The following MTA3 variants were observed in gnomAD, a reference collection of about 807,000 sequenced individuals.
MTA3 encodes metastasis associated 1 family member 3.
Under a neutral mutation model 83.5 loss-of-function variants are expected in MTA3, and 34 were observed. The ratio of observed to expected loss-of-function variants is 0.41; its 90% CI spans 0.31 to 0.54. The LOEUF (loss-of-function observed/expected upper bound fraction) is 0.54, where lower values mean the gene tolerates loss of function less well. Ranked by LOEUF, MTA3 falls within the 20% of genes least tolerant of loss-of-function variation. The pLI is 0.33. For synonymous variants in MTA3, 303 were observed against 252.7 expected (o/e 1.20, Z -1.89); for missense variants, 761 against 726.4 (o/e 1.05, Z -0.55).
At chr2:42,692,833 A>T (rs1455181083) in intron 9 of MTA3, among the ~76,000 whole-genome samples, 1 of 152,168 alleles carries the variant, frequency 6.6e-6, no homozygotes, top group African/African-American at 2.4e-5. Flanking sequence ...TTCCTGGATG[A>T]TGCTTGTAGA....
chr2:42,671,675 A>G (rs999685240), intron 8 of MTA3, among the ~76,000 whole-genome samples: 8 of 152,182 alleles, frequency 5.3e-5, no homozygotes, highest in South Asian at 2.1e-4. Flanking sequence ...TTGCCTTATA[A>G]TTTTTAATTT....
intron 15 of MTA3, among the ~76,000 whole-genome samples, chr2:42,720,051 A>G (rs773496263): frequency 6.6e-6 from 1 of 152,146 alleles, no homozygotes; most frequent in Non-Finnish European, 1.5e-5. Context: ...ATCAAAGTGT[A>G]GTCTTGAATT....
chr2:42,594,079 G>C (rs1255808713), intron 3 of MTA3, among the ~76,000 whole-genome samples: 2 of 151,408 alleles, frequency 1.3e-5, no homozygotes, highest in Admixed American at 1.3e-4. Flanking sequence ...AGCCTCACAA[G>C]TAGCTGGGAT....
At chr2:42,647,669 T>C (rs1461043603) in intron 6 of MTA3, among the ~76,000 whole-genome samples, 4 of 152,178 alleles carry the variant, frequency 2.6e-5, no homozygotes, top group Admixed American at 2.6e-4. Context: ...TGTTAAGTAT[T>C]CATCTCTAAC....
chr2:42,536,135 C>T (rs950923634), intron 2 of MTA3, among the ~76,000 whole-genome samples: 1 of 144,578 alleles, frequency 6.9e-6, no homozygotes, highest in African/African-American at 2.6e-5. Flanking sequence ...AAAAAAAAGC[C>T]ATAGAGCATT....
chr2:42,634,269 A>C (rs1686976318), intron 4 of MTA3, among the ~76,000 whole-genome samples: 1 of 152,126 alleles, frequency 6.6e-6, no homozygotes, highest in Non-Finnish European at 1.5e-5. Flanking sequence ...TATGTATTTT[A>C]ATTAGGTATT....
intron 8 of MTA3, among the ~76,000 whole-genome samples, chr2:42,678,064 GTTAGC>G (rs1691544695): frequency 1.3e-5 from 2 of 152,132 alleles, no homozygotes; most frequent in Admixed American, 6.5e-5. Flanking sequence ...AGTCTGTCTA[GTTAGC>G]TTAGCTGCAG....
chr2:42,702,177 C>G (rs912817213), intron 11 of MTA3: 1 of 152,426 alleles, frequency 6.6e-6, no homozygotes, highest in Non-Finnish European at 1.5e-5. Context: ...TGCCATTGCA[C>G]TCCAGCCTGG....
At chr2:42,642,034 A>G (rs1687744764) in intron 5 of MTA3, among the ~76,000 whole-genome samples, 1 of 152,198 alleles carries the variant, frequency 6.6e-6, no homozygotes, top group Non-Finnish European at 1.5e-5. Flanking sequence ...TAAAAAATTT[A>G]AAAATAAAAT....
intron 3 of MTA3, among the ~76,000 whole-genome samples, chr2:42,604,067 G>A (rs965961505): frequency 1.5e-4 from 23 of 150,576 alleles, no homozygotes; most frequent in Admixed American, 2.7e-4. Context: ...TTGAAACAGA[G>A]TTTTGCTCTT....
chr2:42,534,911 C>G (rs1041956861), intron 2 of MTA3, among the ~76,000 whole-genome samples: 1 of 152,098 alleles, frequency 6.6e-6, no homozygotes, highest in African/African-American at 2.4e-5. Flanking sequence ...GCGTGAGCCA[C>G]TGCACCTGGC....
Position 42,708,035 on chromosome 2 carries a change from C to T in MTA3, c.1283C>T (p.Ser428Phe). Residue 428 changes from serine to phenylalanine, a missense_variant, in exon 13 of 17, where the codon TCT becomes TTT. Ser to Phe is a radical substitution (Grantham distance 155). Coordinates refer to ENST00000405094, the MANE Select transcript of MTA3 (RefSeq NM_001330442.2). ...MPTQSEEEKL[S>F]PSPTTEDPRV... is the part of the protein sequence containing the mutation. Reference sequence around the variant, plus strand: ...ACCCAGTCAGAAGAAGAGAAGTTATCTCCTAGCCCAACTACAGAGGTACAG... The same window carrying T: ...ACCCAGTCAGAAGAAGAGAAGTTATTTCCTAGCCCAACTACAGAGGTACAG... 1 of 1,609,522 alleles carries T rather than the reference C, an allele frequency of 6.2e-7. No homozygotes were observed. The highest frequency in any genetic ancestry group is 8.5e-7 in the Non-Finnish European group (1 of 1,178,742).
chr2:42,550,616 G>C (rs547721181), intron 2 of MTA3, among the ~76,000 whole-genome samples: 1 of 152,166 alleles, frequency 6.6e-6, no homozygotes, highest in Non-Finnish European at 1.5e-5. Context: ...AGTACATGGG[G>C]AGAAAGGCGC....
rs113259371 is a variant in MTA3 at position 42,754,169 on chromosome 2, G to A, written c.*770G>A. On this transcript the variant is annotated 3_prime_UTR_variant, in exon 17 of 17. Transcript: ENST00000405094. The stretch of plus-strand genomic sequence containing the variant: ...AGAGCAGTTGTTAAAAGTGCCAAGC[G>A]TGTGTATCACTGTGACAAGCCGTTT... 3.5e-5 allele frequency: 34 copies of A among 985,442 alleles called. No individual in the cohort carries two copies. Among genetic ancestry groups the A allele is most frequent in the Middle Eastern group, 1.0e-3 (2 of 1,912 alleles). The allele number at this position is 985,442 out of a possible 1,614,324, so 61.0% of individuals were successfully genotyped here. A position where few individuals can be genotyped will look rare whatever the true frequency, so the allele number is the denominator to read the frequency against.
chr2:42,625,055 G>T (rs1294633985), intron 4 of MTA3, among the ~76,000 whole-genome samples: 1 of 151,920 alleles, frequency 6.6e-6, no homozygotes, highest in Admixed American at 6.6e-5. Flanking sequence ...TTTTTGAGAT[G>T]GAGTCTTGCT....
At chr2:42,520,504 G>A (rs895661557) in intron 2 of MTA3, among the ~76,000 whole-genome samples, 7 of 151,996 alleles carry the variant, frequency 4.6e-5, no homozygotes, top group African/African-American at 7.2e-5. Context: ...TGCTTCCTTC[G>A]TGACCCTTAT....
chr2:42,612,725 G>A lies in MTA3; in HGVS notation c.317+3141G>A, dbSNP rs566245906. On this transcript the variant is annotated intron_variant, in intron 4 of 16. Transcript: ENST00000405094. ...AAAACACAAAAATTAGCTGAGCATGGTGGCACATGCCTGTAATCCCAGCTA... is the reference window on the plus strand; with the variant it reads ...AAAACACAAAAATTAGCTGAGCATGATGGCACATGCCTGTAATCCCAGCTA... Among the ~76,000 whole-genome samples, 8 of 152,194 alleles carry A rather than the reference G, an allele frequency of 5.3e-5. No homozygotes were observed. The South Asian group carries it at 1.2e-3, about 24-fold the overall frequency.
chr2:42,654,831 G>T (rs1689016560), intron 6 of MTA3, among the ~76,000 whole-genome samples: 1 of 152,076 alleles, frequency 6.6e-6, no homozygotes, highest in Non-Finnish European at 1.5e-5. Flanking sequence ...GCCCAGGTTG[G>T]TCTTGAACTT....
intron 4 of MTA3, among the ~76,000 whole-genome samples, chr2:42,615,422 C>G (rs1199470049): frequency 6.6e-6 from 1 of 151,926 alleles, no homozygotes; most frequent in Admixed American, 6.6e-5. Flanking sequence ...GTGCTGCGAT[C>G]TCGATTCACT....
Sources: allele counts gnomAD v4.1 joint callset (sites outside exome capture counted in the v4.1 genomes callset), GRCh38; gene constraint gnomAD v4.1.1; transcripts MANE v1.5; gene names NCBI Gene and HGNC (gene_info 2026-07-23, HGNC 2026-07-21).